NFAT5: variants seen among roughly 807,000 people sequenced by gnomAD.
The protein encoded by NFAT5 is nuclear factor of activated T-cells 5.
NFAT5 carries 31 observed loss-of-function variants against 166.5 expected under a neutral mutation model. The ratio of observed to expected loss-of-function variants is 0.19; its 90% CI spans 0.14 to 0.25. NFAT5 has a LOEUF of 0.25. Ranked by LOEUF, NFAT5 falls within the 10% of genes least tolerant of loss-of-function variation. NFAT5 has a pLI of 1.00. For missense variants in NFAT5, 1,449 were observed against 1,821.8 expected (o/e 0.80, Z 3.72); for synonymous variants, 612 against 639.7 (o/e 0.96, Z 0.65).
Position 69,642,334 on chromosome 16 carries a change from A to G in NFAT5, c.254-4694A>G, listed in dbSNP as rs370577761. Among the ~76,000 whole-genome samples, 18 of 152,300 alleles carry G rather than the reference A, an allele frequency of 1.2e-4. No individual in the cohort carries two copies. In the East Asian group the frequency reaches 3.1e-3, roughly 26 times the overall value. ...TTGGTCTGATAACTGGCTACTGTTAATAGTGGCAAACAGACTTAAATACAG... is the reference window on the plus strand; with the variant it reads ...TTGGTCTGATAACTGGCTACTGTTAGTAGTGGCAAACAGACTTAAATACAG... On this transcript the variant is annotated intron_variant, in intron 3 of 14. Transcript: ENST00000349945.
chr16:69,628,174 A>T (rs935190516), intron 3 of NFAT5, among the ~76,000 whole-genome samples: 2 of 151,586 alleles, frequency 1.3e-5, no homozygotes, highest in African/African-American at 4.8e-5. Flanking sequence ...ATTCTTATAT[A>T]TATAAAAATA....
At chr16:69,629,468 T>C (rs7187634) in intron 3 of NFAT5, among the ~76,000 whole-genome samples, 82,869 of 151,842 alleles carry the variant, frequency 0.55, 24,066 homozygotes, top group East Asian at 0.82. Flanking sequence ...CATACTTTTA[T>C]GCACTCCCAT....
chr16:69,606,326 GAACGGTACTTTAGGT>G (rs1030266335), intron 2 of NFAT5, among the ~76,000 whole-genome samples: 15 of 152,280 alleles, frequency 9.9e-5, no homozygotes, highest in Non-Finnish European at 1.5e-4. Context: ...GAAATTGGCT[GAACGGTACTTTAGGT>G]AACTTGAGAG....
intron 2 of NFAT5, among the ~76,000 whole-genome samples, chr16:69,620,314 A>G (rs1392086584): frequency 6.6e-6 from 1 of 152,252 alleles, no homozygotes; most frequent in East Asian, 1.9e-4. Context: ...TAATTCTACT[A>G]CATGGATACT....
intron 2 of NFAT5, among the ~76,000 whole-genome samples, chr16:69,615,044 A>AT (rs1266471315): frequency 0.015 from 1,874 of 121,178 alleles, 32 homozygotes; most frequent in African/African-American, 0.04. Context: ...TCCCAGCTAA[A>AT]TTTTTTTTTT....
intron 3 of NFAT5, among the ~76,000 whole-genome samples, chr16:69,639,990 TG>T (rs1163008112): frequency 2.6e-5 from 4 of 152,250 alleles, no homozygotes; most frequent in Non-Finnish European, 5.9e-5. Context: ...AAACGTATGT[TG>T]GGTGGGAAAA....
intron 13 of NFAT5, among the ~76,000 whole-genome samples, chr16:69,694,486 C>T (rs1051792663): frequency 6.6e-6 from 1 of 152,140 alleles, no homozygotes; most frequent in Non-Finnish European, 1.5e-5. Flanking sequence ...AATTTTTGAC[C>T]TCAAGTGATC....
chr16:69,570,800 C>G (rs1002111359), intron 2 of NFAT5, among the ~76,000 whole-genome samples: 2 of 152,062 alleles, frequency 1.3e-5, no homozygotes, highest in African/African-American at 4.8e-5. Flanking sequence ...TATTGTTGCT[C>G]TGACATTTAC....
At position 69,644,839 on chromosome 16, in the gene NFAT5, T is replaced by A. The variant is rs1052513521; in HGVS notation, c.254-2189T>A. On this transcript the variant is annotated intron_variant, in intron 3 of 14. Transcript: ENST00000349945. ...ATACTCTGCATTCTCATGTGCATGA[T>A]CCTTAGATTTAAAAAGGGTGAGTGG... 1.0e-4 allele frequency: 46 copies of A among 455,194 alleles called. No individual in the cohort carries two copies. In the Admixed American group the frequency reaches 1.1e-3, roughly 11 times the overall value. 28.2% of individuals were successfully genotyped at this position (455,194 alleles called of 1,614,324 possible).
intron 3 of NFAT5, among the ~76,000 whole-genome samples, chr16:69,640,134 T>G (rs911028960): frequency 6.6e-6 from 1 of 152,170 alleles, no homozygotes; most frequent in Non-Finnish European, 1.5e-5. Flanking sequence ...ACACTTAACT[T>G]GCATTCTAGC....
chr16:69,663,564 T>TAAA lies in NFAT5; in HGVS notation c.1369+3686_1369+3688dup, dbSNP rs60161117. Reference sequence around the variant, plus strand: ...AGCCTGGGATTCAAACCCATCTCTTTAAAAAAAAAAAAAAAAAAAAAAAGG... The same window carrying TAAA: ...AGCCTGGGATTCAAACCCATCTCTTTAAAAAAAAAAAAAAAAAAAAAAAAAAGG... On this transcript the variant is annotated intron_variant, in intron 7 of 14. Coordinates refer to ENST00000349945, the MANE Select transcript of NFAT5 (RefSeq NM_138713.4). Among the ~76,000 whole-genome samples the TAAA allele has an allele frequency of 8.6e-3, 789 of 91,956 alleles. 16 individuals are homozygous for TAAA. The highest frequency in any genetic ancestry group is 0.03 in the African/African-American group (736 of 24,616). 60.3% of individuals were successfully genotyped at this position (91,956 alleles called of 152,430 possible).
intron 4 of NFAT5, among the ~76,000 whole-genome samples, chr16:69,652,864 T>G (rs2035730691): frequency 6.6e-6 from 1 of 152,194 alleles, no homozygotes; most frequent in Admixed American, 6.5e-5. Flanking sequence ...ATACATGGAA[T>G]TTTTAAATCT....
chr16:69,695,037 T>C, intron 13 of NFAT5, 99 bp from the exon 14 acceptor site: 1 of 882,442 alleles, frequency 1.1e-6, no homozygotes. Flanking sequence ...AACTAATAAA[T>C]ATCTTTTCAT....
intron 2 of NFAT5, among the ~76,000 whole-genome samples, chr16:69,619,993 C>A (rs181983829): frequency 1.4e-3 from 219 of 152,236 alleles, no homozygotes; most frequent in Middle Eastern, 0.01. Context: ...TTGAATTAAC[C>A]CAGAAATAAT....
At chr16:69,602,270 CTT>C (rs66903207) in intron 2 of NFAT5, among the ~76,000 whole-genome samples, 19 of 136,488 alleles carry the variant, frequency 1.4e-4, no homozygotes, top group Admixed American at 3.0e-4. Context: ...TGGTTATTAT[CTT>C]TTTTTTTTTT....
At chr16:69,694,318 A>C in intron 13 of NFAT5, 79 bp downstream of exon 13, 20 of 1,080,088 alleles carry the variant, frequency 1.9e-5, no homozygotes, top group Non-Finnish European at 2.6e-5. Context: ...GTGCGATCTC[A>C]GCTCACTGCA....
chr16:69,598,449 G>C (rs1218048395), intron 2 of NFAT5, among the ~76,000 whole-genome samples: 1 of 150,594 alleles, frequency 6.6e-6, no homozygotes, highest in African/African-American at 2.4e-5. Context: ...TTTGTGCCCA[G>C]TGCTTGAAGT....
intron 2 of NFAT5, among the ~76,000 whole-genome samples, chr16:69,600,470 A>G (rs1021014616): frequency 6.6e-6 from 1 of 152,036 alleles, no homozygotes; most frequent in Non-Finnish European, 1.5e-5. Flanking sequence ...CATATATAAG[A>G]ATAGGAATCT....
chr16:69,606,005 G>T (rs962050994), intron 2 of NFAT5, among the ~76,000 whole-genome samples: 17 of 152,124 alleles, frequency 1.1e-4, no homozygotes, highest in African/African-American at 3.6e-4. Context: ...GAGCCACCGC[G>T]CCCGGCCCCC....
Sources: gnomAD v4.1 joint callset for allele counts (sites outside exome capture counted in the v4.1 genomes callset) on GRCh38, gnomAD v4.1.1 for gene constraint, MANE v1.5 for transcripts, NCBI Gene and HGNC (gene_info 2026-07-23, HGNC 2026-07-21) for gene names.